POLR1A: variants seen among roughly 807,000 people sequenced by gnomAD.
The protein encoded by POLR1A is RNA polymerase I subunit A, also known as DNA-directed RNA polymerase I subunit RPA1.
In POLR1A, 84 loss-of-function variants were observed where a neutral mutation model predicts 205.3. That is an observed-to-expected ratio of 0.41 (90% CI 0.34 to 0.49). The LOEUF (loss-of-function observed/expected upper bound fraction) is 0.49, where lower values mean the gene tolerates loss of function less well. Ranked by LOEUF, POLR1A falls within the 20% of genes least tolerant of loss-of-function variation. The probability of loss-of-function intolerance (pLI) is 0.22; values close to 1 mark genes in which losing one functional copy is unlikely to be tolerated. For synonymous variants in POLR1A, 799 were observed against 863.7 expected (o/e 0.93, Z 1.31); for missense variants, 1,645 against 2,204.5 (o/e 0.75, Z 5.08).
chr2:86,045,168 A>G (rs565437359), intron 21 of POLR1A, 110 bp downstream of exon 21: 3 of 745,642 alleles, frequency 4.0e-6, no homozygotes, highest in Non-Finnish European at 4.6e-6. Flanking sequence ...AAACTTTCCA[A>G]AAGTTTTTTC....
At chr2:86,082,032 T>C (rs1673412957) in intron 7 of POLR1A, among the ~76,000 whole-genome samples, 1 of 151,998 alleles carries the variant, frequency 6.6e-6, no homozygotes, top group South Asian at 2.1e-4. Flanking sequence ...GATGAGGTTT[T>C]GCTTGGTTGC....
At chr2:86,083,568 T>C (rs1673442502) in intron 6 of POLR1A, among the ~76,000 whole-genome samples, 1 of 152,206 alleles carries the variant, frequency 6.6e-6, no homozygotes, top group South Asian at 2.1e-4. Flanking sequence ...CATGTCTGCA[T>C]GTTGCTATGT....
intron 24 of POLR1A, 142 bp downstream of exon 24, chr2:86,041,747 G>T: frequency 1.4e-6 from 1 of 693,304 alleles, no homozygotes; most frequent in Non-Finnish European, 2.5e-6. Flanking sequence ...GTTGCCCCTG[G>T]CTGTCTTACT....
Position 86,028,393 on chromosome 2 carries a change from C to T in POLR1A, c.4897+201G>A, listed in dbSNP as rs920140477. On this transcript the variant is annotated intron_variant, in intron 32 of 33. Transcript: ENST00000263857. The surrounding 1 kb of genome is among the most constrained non-coding windows in gnomAD (Gnocchi z 4.5). Reference sequence around the variant, plus strand: ...ACCAGCAGATGAGACACCACTGAAGCGGTCTCAGTGATGGGAGACGTCACC... The same window carrying T: ...ACCAGCAGATGAGACACCACTGAAGTGGTCTCAGTGATGGGAGACGTCACC... Among the ~76,000 whole-genome samples the T allele has an allele frequency of 2.6e-4, 39 of 152,204 alleles. 1 individual carries two copies. The highest frequency in any genetic ancestry group is 2.3e-3 in the Admixed American group (35 of 15,286).
chr2:86,067,024 T>C (rs1673094154), intron 13 of POLR1A, among the ~76,000 whole-genome samples: 2 of 152,212 alleles, frequency 1.3e-5, no homozygotes, highest in African/African-American at 2.4e-5. Flanking sequence ...TTAAAGAACA[T>C]AATTACAGGT....
At position 86,031,406 on chromosome 2, in the gene POLR1A, C is replaced by T. The variant is rs376780118; in HGVS notation, c.4502G>A (p.Arg1501Gln). 42 of 1,612,764 alleles carry T rather than the reference C, an allele frequency of 2.6e-5. No homozygotes were observed. Among genetic ancestry groups the T allele is most frequent in the African/African-American group, 1.7e-4 (13 of 74,884 alleles). Residue 1501 changes from arginine (R) to glutamine (Q), a missense_variant, in exon 30 of 34, where the codon CGG (arginine) becomes CAG (glutamine). By Grantham distance (43) the Arg-to-Gln change is conservative (BLOSUM62 1). This residue lies in a region of POLR1A where 394 missense variants were observed against 468.5 expected (regional missense o/e 0.84). Transcript: ENST00000263857. ...EPQGPEAMER[R>Q]VQAVREIHPF... is the part of the protein sequence containing the mutation. ...GTGGATCTCACGCACAGCCTGGACC[C>T]GGCGCTCCATGGCCTCGGGCCCCTG...
chr2:86,031,980 G>C (rs1408899788), intron 29 of POLR1A, among the ~76,000 whole-genome samples: 1 of 152,186 alleles, frequency 6.6e-6, no homozygotes, highest in Non-Finnish European at 1.5e-5. Flanking sequence ...GTAAAAACCA[G>C]AGGCAGCCTG....
intron 7 of POLR1A, 38 bp from the exon 8 acceptor site, chr2:86,081,744 A>G: frequency 1.6e-6 from 2 of 1,244,384 alleles, no homozygotes; most frequent in Non-Finnish European, 2.3e-6. Context: ...GACCATTTAA[A>G]TCTATCACTA....
At chr2:86,039,542 AG>A in intron 25 of POLR1A, 80 bp from the exon 26 acceptor site, 1 of 1,545,874 alleles carries the variant, frequency 6.5e-7, no homozygotes. Context: ...TAATGATGTC[AG>A]AGTTCTTTTG....
In POLR1A at chr2:86,098,601, ACCC is replaced by A; in HGVS notation, c.432+7_432+9del. 7 of 1,611,316 alleles carry A rather than the reference ACCC, an allele frequency of 4.3e-6. No individual in the cohort carries two copies. Among genetic ancestry groups the A allele is most frequent in the Non-Finnish European group, 5.9e-6 (7 of 1,179,220 alleles). ...TTTTCTGATTTCTGTGACCACCACT[ACCC>A]ACCTACCCTGTTCAGAATTCTCTCA... On this transcript the variant is annotated splice_region_variant and intron_variant, in intron 3 of 33. Coordinates refer to ENST00000263857, the MANE Select transcript of POLR1A (RefSeq NM_015425.6).
chr2:86,047,580 C>T (rs1316156927), intron 18 of POLR1A, among the ~76,000 whole-genome samples: 2 of 152,316 alleles, frequency 1.3e-5, no homozygotes, highest in Admixed American at 6.5e-5. Context: ...AGATCCAGTT[C>T]GTGATTCTAA....
Position 86,080,928 on chromosome 2 carries a change from G to A in POLR1A, c.974C>T (p.Thr325Met), listed in dbSNP as rs1673388559. ...LGDQMFTNGQ[T>M]VNLQAVMKDV... The stretch of plus-strand genomic sequence containing the variant: ...CTTCATGACAGCCTGCAAGTTCACC[G>A]TCTGGCCATTAGTAAACATCTGGTC... Residue 325 changes from threonine (T) to methionine (M), a missense_variant, in exon 9 of 34, where the codon ACG (threonine) becomes ATG (methionine). Coordinates refer to ENST00000263857, the MANE Select transcript of POLR1A (RefSeq NM_015425.6). 2.5e-6 allele frequency: 4 copies of A among 1,614,018 alleles called. No homozygotes were observed. Among genetic ancestry groups the A allele is most frequent in the Non-Finnish European group, 3.4e-6 (4 of 1,179,904 alleles).
rs891317183 is a variant in POLR1A, at chr2:86,022,747, C to T, written c.*4676G>A. 5 of 152,158 alleles carry T rather than the reference C, an allele frequency of 3.3e-5. No homozygotes were observed. The highest frequency in any genetic ancestry group is 5.9e-5 in the Non-Finnish European group (4 of 68,056). 9.4% of individuals were successfully genotyped at this position (152,158 alleles called of 1,614,324 possible). A position where few individuals can be genotyped will look rare whatever the true frequency, so the allele number is the denominator to read the frequency against. On this transcript the variant is annotated 3_prime_UTR_variant, in exon 34 of 34. Coordinates refer to ENST00000263857, the MANE Select transcript of POLR1A (RefSeq NM_015425.6). ...GGGACCACAGGCACATGTCACAACA[C>T]CTGGCTAATTTTTGTAGATACGGGG...
rs1690175576 is a variant in POLR1A, at chr2:86,022,886, A to C, written c.*4537T>G. 6.6e-6 allele frequency: 1 copy of C among 151,706 alleles called. No homozygotes were observed. 9.4% of individuals were successfully genotyped at this position (151,706 alleles called of 1,614,324 possible). On this transcript the variant is annotated 3_prime_UTR_variant, in exon 34 of 34. Transcript: ENST00000263857. ...TGAGCCACTGTGCCCGGCCAGAATC[A>C]ATCTTTTTTTTTTTCCTAAGACGGA...
chr2:86,030,412 G>A lies in POLR1A; in HGVS notation c.4579-16C>T. Reference sequence around the variant, plus strand: ...TCACTGTCACCTGCAAAAGGAGGGAGAGCTGGGTAGGGTGACAGCTACTCC... The same window carrying A: ...TCACTGTCACCTGCAAAAGGAGGGAAAGCTGGGTAGGGTGACAGCTACTCC... On this transcript the variant is annotated splice_polypyrimidine_tract_variant and intron_variant, in intron 30 of 33. Transcript: ENST00000263857. 6.3e-7 allele frequency: 1 copy of A among 1,594,394 alleles called. No homozygotes were observed. Among genetic ancestry groups the A allele is most frequent in the Non-Finnish European group, 8.6e-7 (1 of 1,162,632 alleles).
intron 6 of POLR1A, among the ~76,000 whole-genome samples, chr2:86,086,243 A>T (rs1425671239): frequency 1.3e-5 from 2 of 150,536 alleles, no homozygotes; most frequent in Non-Finnish European, 3.0e-5. Context: ...TTTTTTTAGT[A>T]GAGACAGGGT....
chr2:86,035,346 A>C (rs1377487259), intron 27 of POLR1A, among the ~76,000 whole-genome samples: 1 of 152,180 alleles, frequency 6.6e-6, no homozygotes, highest in Non-Finnish European at 1.5e-5. Flanking sequence ...ATCCCACTGG[A>C]AAGAGGGGGT....
intron 3 of POLR1A, among the ~76,000 whole-genome samples, chr2:86,093,259 T>G (rs2104431857): frequency 1.3e-5 from 2 of 152,342 alleles, no homozygotes; most frequent in East Asian, 1.9e-4. Context: ...GGGTTCCCTA[T>G]TTTAAGGGTA....
intron 6 of POLR1A, 28 bp downstream of exon 6, chr2:86,088,538 A>C: frequency 7.1e-7 from 1 of 1,415,676 alleles, no homozygotes. Context: ...CCTCACATGG[A>C]GCTCCTCTCC....
Sources: gnomAD v4.1 joint callset for allele counts (sites outside exome capture counted in the v4.1 genomes callset) on GRCh38, gnomAD v4.1.1 for gene constraint, gnomAD v4.1.1 regional missense constraint, Gnocchi (gnomAD v3.1) non-coding constraint, MANE v1.5 for transcripts, NCBI Gene and HGNC (gene_info 2026-07-23, HGNC 2026-07-21) for gene names.